Variants in KALRN observed in about 807,000 individuals in gnomAD.
The protein encoded by KALRN is kalirin.
KALRN carries 70 observed loss-of-function variants against 353.7 expected under a neutral mutation model. The observed-to-expected ratio is 0.20, with a 90% confidence interval of 0.16 to 0.24. The LOEUF (loss-of-function observed/expected upper bound fraction) is 0.24. Among genes scored for constraint, KALRN ranks in the 10% least tolerant of loss-of-function variants. The pLI, the probability that KALRN is intolerant of heterozygous loss-of-function variation, is 1.00. For synonymous variants in KALRN, 1,391 were observed against 1,434.8 expected (o/e 0.97, Z 0.69); for missense variants, 2,791 against 3,756.7 (o/e 0.74, Z 6.72).
In KALRN at chr3:124,599,347, C is replaced by A. The variant is rs144760148; in HGVS notation, c.5183-33073C>A. 5.4e-3 allele frequency among the ~76,000 whole-genome samples: 828 copies of A among 152,252 alleles called. 8 individuals are homozygous for A. Among genetic ancestry groups the A allele is most frequent in the African/African-American group, 0.019 (775 of 41,534 alleles). On this transcript the variant is annotated intron_variant, in intron 34 of 59. Transcript: ENST00000682506. ...TTGGTCTATAAGAACCTCTGAGGAA[C>A]CTGTACCTAAGTCACAAAGGATCAC... is the stretch of plus-strand genomic sequence containing the variant.
intron 1 of KALRN, among the ~76,000 whole-genome samples, chr3:124,043,523 G>A (rs2149093103): frequency 6.6e-6 from 1 of 152,228 alleles, no homozygotes; most frequent in South Asian, 2.1e-4. Context: ...GGACTCTGGA[G>A]GGAAGGCAGA....
intron 18 of KALRN, among the ~76,000 whole-genome samples, chr3:124,441,142 T>C (rs2093653820): frequency 6.6e-6 from 1 of 152,194 alleles, no homozygotes; most frequent in African/African-American, 2.4e-5. Flanking sequence ...TGTTTGTAAT[T>C]TCCATTTAGA....
intron 12 of KALRN, among the ~76,000 whole-genome samples, chr3:124,397,093 A>C (rs976958093): frequency 2.0e-5 from 3 of 152,234 alleles, no homozygotes; most frequent in Admixed American, 2.0e-4. Context: ...ATAGTGCTGC[A>C]TAAAATGGTC....
In KALRN at chr3:124,556,537, A is replaced by T. The variant is rs373122525; in HGVS notation, c.4936-6306A>T. Among the ~76,000 whole-genome samples the T allele has an allele frequency of 2.8e-4, 42 of 152,342 alleles. 3 individuals are homozygous for T. The highest frequency in any genetic ancestry group is 1.9e-3 in the East Asian group (10 of 5,194). The stretch of plus-strand genomic sequence containing the variant: ...GTTTAGTAGAGGAAGGATTTGAAGC[A>T]GCTATACTAAAGCATCATCAGCAAT... On this transcript the variant is annotated intron_variant, in intron 33 of 59. Coordinates refer to ENST00000682506, the MANE Select transcript of KALRN (RefSeq NM_001388419.1).
At position 124,429,309 on chromosome 3, in the gene KALRN, C is replaced by T. The variant is rs1174808804; in HGVS notation, c.2710-1347C>T. Among the ~76,000 whole-genome samples the T allele has an allele frequency of 2.6e-5, 4 of 152,034 alleles. 1 individual carries two copies. Among genetic ancestry groups the T allele is most frequent in the South Asian group, 4.2e-4 (2 of 4,812 alleles). On this transcript the variant is annotated intron_variant, in intron 15 of 59. Transcript: ENST00000682506. ...AATAAGGCATGAGTCATTTTTTGCC[C>T]AAGGATGAAATTTGAGAGGTGCCTA...
intron 33 of KALRN, among the ~76,000 whole-genome samples, chr3:124,544,792 C>A (rs777531683): frequency 2.0e-5 from 3 of 152,152 alleles, no homozygotes; most frequent in Non-Finnish European, 4.4e-5. Context: ...ACATAATAAG[C>A]ACTTTGTAAG....
intron 1 of KALRN, among the ~76,000 whole-genome samples, chr3:124,057,918 A>G (rs1006288517): frequency 6.6e-6 from 1 of 152,236 alleles, no homozygotes; most frequent in Non-Finnish European, 1.5e-5. Flanking sequence ...CATGCTGCTG[A>G]TAAAGACATA....
chr3:124,459,889 G>T (rs774929711), intron 23 of KALRN, among the ~76,000 whole-genome samples: 1 of 152,170 alleles, frequency 6.6e-6, no homozygotes, highest in African/African-American at 2.4e-5. Flanking sequence ...GGATTTGTTT[G>T]TTGGGGCTGC....
intron 1 of KALRN, among the ~76,000 whole-genome samples, chr3:124,188,422 C>G (rs1299090334): frequency 6.6e-6 from 1 of 152,124 alleles, no homozygotes; most frequent in Non-Finnish European, 1.5e-5. Context: ...GAAAAGATTT[C>G]CCTTCAGAGC....
intron 2 of KALRN, among the ~76,000 whole-genome samples, chr3:124,230,856 C>A (rs1420957436): frequency 7.5e-5 from 8 of 106,362 alleles, no homozygotes; most frequent in South Asian, 2.8e-4. Context: ...ACCCCCAAAA[C>A]CAAAAAAAAA....
At chr3:124,073,336 T>C (rs954776250) in intron 1 of KALRN, among the ~76,000 whole-genome samples, 2 of 152,216 alleles carry the variant, frequency 1.3e-5, no homozygotes, top group African/African-American at 2.4e-5. Flanking sequence ...CCTTTTAAAA[T>C]TGCAGGCATA....
intron 27 of KALRN, among the ~76,000 whole-genome samples, chr3:124,481,649 C>T (rs1487975037): frequency 1.3e-5 from 2 of 152,186 alleles, no homozygotes; most frequent in East Asian, 3.8e-4. Flanking sequence ...GGTGGGTGTG[C>T]ATCCTCTGTA....
intron 1 of KALRN, among the ~76,000 whole-genome samples, chr3:124,158,183 G>A (rs745888368): frequency 6.6e-6 from 1 of 152,310 alleles, no homozygotes; most frequent in South Asian, 2.1e-4. Context: ...TCCTGAAGCA[G>A]GGATGTTTGT....
intron 3 of KALRN, among the ~76,000 whole-genome samples, chr3:124,258,966 C>T (rs2072454168): frequency 6.6e-6 from 1 of 152,164 alleles, no homozygotes; most frequent in South Asian, 2.1e-4. Flanking sequence ...TTATTCATAA[C>T]ACTGTAATAA....
chr3:124,397,179 T>A (rs1162178124), intron 12 of KALRN, among the ~76,000 whole-genome samples: 1 of 152,134 alleles, frequency 6.6e-6, no homozygotes, highest in Non-Finnish European at 1.5e-5. Context: ...AATAATCACA[T>A]CCTCCCAGCA....
chr3:124,323,887 C>G (rs2079602166), intron 6 of KALRN, among the ~76,000 whole-genome samples: 1 of 152,208 alleles, frequency 6.6e-6, no homozygotes, highest in Non-Finnish European at 1.5e-5. Context: ...TGGGGGTCAT[C>G]TGCAGGTGAT....
At chr3:124,392,387 C>G (rs990014247) in intron 11 of KALRN, among the ~76,000 whole-genome samples, 3 of 152,116 alleles carry the variant, frequency 2.0e-5, no homozygotes, top group Admixed American at 6.5e-5. Context: ...ACACATATAT[C>G]AACTTATTTG....
At chr3:124,094,815 G>C (rs1220948074) in intron 1 of KALRN, 5 of 1,611,206 alleles carry the variant, frequency 3.1e-6, no homozygotes, top group Non-Finnish European at 4.2e-6. Flanking sequence ...GGGACTGGCT[G>C]TGAAGGATGA....
intron 32 of KALRN, among the ~76,000 whole-genome samples, chr3:124,493,394 C>A (rs760837157): frequency 6.6e-6 from 1 of 152,148 alleles, no homozygotes; most frequent in Non-Finnish European, 1.5e-5. Flanking sequence ...TGATAAGCAA[C>A]GTCATTGGGC....
Sources: allele counts gnomAD v4.1 joint callset (sites outside exome capture counted in the v4.1 genomes callset), GRCh38; gene constraint gnomAD v4.1.1; transcripts MANE v1.5; gene names NCBI Gene and HGNC (gene_info 2026-07-23, HGNC 2026-07-21).